HROB: variants seen among roughly 807,000 people sequenced by gnomAD.
HROB encodes the protein homologous recombination OB-fold protein.
In HROB, 44 loss-of-function variants were observed where a neutral mutation model predicts 61.0. The observed-to-expected ratio is 0.72, with a 90% CI of 0.57 to 0.93. The LOEUF (loss-of-function observed/expected upper bound fraction) is 0.93, where lower values mean the gene tolerates loss of function less well. HROB is among the 40% of genes least tolerant of loss of function. The pLI is 0.00. For synonymous variants in HROB, 301 were observed against 310.4 expected, an observed-to-expected ratio of 0.97 and a Z score of 0.32; for missense variants, 716 against 796.2, an observed-to-expected ratio of 0.90 and a Z score of 1.21.
chr17:44,157,405 CTTTTTTT>C (rs71160088), intron 8 of HROB, among the ~76,000 whole-genome samples: 16 of 81,482 alleles, frequency 2.0e-4, no homozygotes, highest in Non-Finnish European at 3.0e-4. Context: ...CATCATGTTT[CTTTTTTT>C]TTTTTTTTTT....
rs763550583 is a variant in HROB at position 44,152,680 on chromosome 17, G to A, written c.1352G>A (p.Arg451Gln). 5.6e-6 allele frequency: 9 copies of A among 1,614,038 alleles called. No homozygotes were observed. In the African/African-American group the frequency reaches 9.3e-5, roughly 17 times the overall value. The change falls in exon 5 of 10, where the codon CGA becomes CAA. Residue 451 changes from arginine to glutamine, a missense_variant. Physicochemically the swap from Arg to Gln is conservative, Grantham distance 43. Coordinates refer to ENST00000585683, the MANE Select transcript of HROB (RefSeq NM_001171251.3). ...SQASVEEDFG[R>Q]GPWLTMKSTL... ...GCATCTGTGGAGGAGGATTTTGGGC[G>A]AGGGCCCTGGCTGACCATGAAATCC...
intron 7 of HROB, 127 bp downstream of exon 7, chr17:44,155,065 G>A: frequency 7.4e-7 from 1 of 1,344,530 alleles, no homozygotes; most frequent in Non-Finnish European, 1.0e-6. Flanking sequence ...CTAGGCCCTG[G>A]CTTGAGCTCA....
chr17:44,143,974 C>G (rs1388884340), intron 1 of HROB, among the ~76,000 whole-genome samples: 1 of 151,838 alleles, frequency 6.6e-6, no homozygotes, highest in East Asian at 1.9e-4. Context: ...GTTTTTTAAT[C>G]TTTCTTTCCT....
intron 4 of HROB, among the ~76,000 whole-genome samples, chr17:44,152,373 G>GA (rs1273648768): frequency 6.6e-6 from 1 of 151,230 alleles, no homozygotes. Context: ...TCTGCTGAAT[G>GA]AAACCTGTGA....
chr17:44,160,791 CAT>C (rs767229730), intron 9 of HROB, among the ~76,000 whole-genome samples: 3 of 152,170 alleles, frequency 2.0e-5, no homozygotes, highest in Non-Finnish European at 2.9e-5. Context: ...TGTGAAAAAG[CAT>C]ATGTCTCTTA....
At chr17:44,144,382 G>T (rs764699572) in intron 1 of HROB, among the ~76,000 whole-genome samples, 1 of 151,640 alleles carries the variant, frequency 6.6e-6, no homozygotes, top group Non-Finnish European at 1.5e-5. Context: ...CTTGTGATCC[G>T]CCCCCACCTC....
intron 1 of HROB, among the ~76,000 whole-genome samples, chr17:44,144,750 T>G (rs2053563574): frequency 6.6e-6 from 1 of 151,270 alleles, no homozygotes; most frequent in Non-Finnish European, 1.5e-5. Flanking sequence ...TCTTTTTTTT[T>G]TTTTTTTTTG....
intron 7 of HROB, 147 bp downstream of exon 7, chr17:44,155,085 T>A: frequency 7.9e-7 from 1 of 1,273,134 alleles, no homozygotes; most frequent in Non-Finnish European, 1.1e-6. Context: ...AGGGAAGGCC[T>A]GTGGCCCTTG....
intron 1 of HROB, among the ~76,000 whole-genome samples, chr17:44,144,710 C>G (rs1276276591): frequency 6.6e-6 from 1 of 151,412 alleles, no homozygotes; most frequent in Non-Finnish European, 1.5e-5. Flanking sequence ...CCACTGCACA[C>G]AGCTAAGTAA....
At chr17:44,155,223 G>A in intron 7 of HROB, 63 bp from the exon 8 acceptor site, 2 of 1,598,512 alleles carry the variant, frequency 1.3e-6, no homozygotes, top group Admixed American at 1.7e-5. Flanking sequence ...TGGGAGCCAG[G>A]TGTCCATCTG....
At position 44,154,555 on chromosome 17, in the gene HROB, G is replaced by T; in HGVS notation, c.1450-1G>T. ...CAGCATATGCCTCTCCTTGTAAGCA[G>T]GCAGCCCTGAAGCAGCTTCCTAGGA... is the stretch of plus-strand genomic sequence containing the variant. On this transcript the variant is annotated splice_acceptor_variant, in intron 5 of 9. Coordinates refer to ENST00000585683, the MANE Select transcript of HROB (RefSeq NM_001171251.3). LOFTEE classifies it high-confidence loss of function. The T allele has an allele frequency of 6.2e-7, 1 of 1,614,110 alleles. No homozygotes were observed. Among genetic ancestry groups the T allele is most frequent in the Admixed American group, 1.7e-5 (1 of 60,012 alleles).
At chr17:44,143,964 GT>G (rs1490030005) in intron 1 of HROB, among the ~76,000 whole-genome samples, 1 of 151,802 alleles carries the variant, frequency 6.6e-6, no homozygotes, top group Admixed American at 6.6e-5. Context: ...TTACAAGAAA[GT>G]TTTTTAATCT....
chr17:44,143,978 C>T (rs547473661), intron 1 of HROB, among the ~76,000 whole-genome samples: 1 of 151,784 alleles, frequency 6.6e-6, no homozygotes, highest in Admixed American at 6.6e-5. Context: ...TTTAATCTTT[C>T]TTTCCTTTTT....
chr17:44,162,079 C>T lies in HROB; in HGVS notation c.*147C>T. The T allele has an allele frequency of 1.3e-6, 1 of 795,520 alleles. No individual in the cohort carries two copies. The highest frequency in any genetic ancestry group is 2.0e-6 in the Non-Finnish European group (1 of 505,538). 49.3% of individuals were successfully genotyped at this position (795,520 alleles called of 1,614,324 possible). On this transcript the variant is annotated 3_prime_UTR_variant, in exon 10 of 10. Coordinates refer to ENST00000585683, the MANE Select transcript of HROB (RefSeq NM_001171251.3). ...TGGTTGCTCCCACCCTGGGTGTTTT[C>T]CCTGAGAGCCCCCTCATCTCTGCGC...
In HROB at chr17:44,148,260, C is replaced by T; in HGVS notation, c.457C>T (p.Pro153Ser). ...GCAGCAAGTTGGTGGCTTTGAGGGGCCTGAACAAGACGAATTTGATAAAGT... is the reference window on the plus strand; with the variant it reads ...GCAGCAAGTTGGTGGCTTTGAGGGGTCTGAACAAGACGAATTTGATAAAGT... The part of the protein sequence containing the change: ...QQQQVGGFEG[P>S]EQDEFDKVLA... The change falls in exon 3 of 10, where the codon CCT becomes TCT. Residue 153 changes from proline to serine, a missense_variant. Pro to Ser is a moderately conservative substitution (Grantham distance 74, BLOSUM62 -1). Coordinates refer to ENST00000585683, the MANE Select transcript of HROB (RefSeq NM_001171251.3). The T allele has an allele frequency of 6.2e-7, 1 of 1,614,176 alleles. No individual in the cohort carries two copies. The highest frequency in any genetic ancestry group is 8.5e-7 in the Non-Finnish European group (1 of 1,180,032).
chr17:44,148,913 C>T lies in HROB; in HGVS notation c.1110C>T (p.Asn370=), dbSNP rs551307440. The T allele has an allele frequency of 6.2e-7, 1 of 1,614,180 alleles. No individual in the cohort carries two copies. Among genetic ancestry groups the T allele is most frequent in the Non-Finnish European group, 8.5e-7 (1 of 1,180,012 alleles). The change falls in exon 3 of 10, where the codon AAC becomes AAT. Residue 370 remains asparagine, a synonymous_variant. Coordinates refer to ENST00000585683, the MANE Select transcript of HROB (RefSeq NM_001171251.3). ...CTCTGCAGACACCCATAGTCACCAA[C>T]CACCTGGTGCAGCTAGTCACTGCTG... The part of the protein sequence containing the change: ...QGALQTPIVT[N]HLVQLVTAAS...
chr17:44,145,192 T>C lies in HROB; in HGVS notation c.4-11T>C. 6.2e-7 allele frequency: 1 copy of C among 1,613,892 alleles called. No individual in the cohort carries two copies. The highest frequency in any genetic ancestry group is 8.5e-7 in the Non-Finnish European group (1 of 1,179,762). The stretch of plus-strand genomic sequence containing the variant: ...TATTTCTCAACCCCAGTTGGTTTTT[T>C]TTCTTTTCAGGCGTGCAGTTTGCAG... On this transcript the variant is annotated splice_polypyrimidine_tract_variant and intron_variant, in intron 1 of 9. Transcript: ENST00000585683.
At chr17:44,149,652 G>A (rs1357079553) in intron 3 of HROB, among the ~76,000 whole-genome samples, 2 of 152,104 alleles carry the variant, frequency 1.3e-5, no homozygotes, top group Admixed American at 6.6e-5. Context: ...CCATTCTCCC[G>A]CCTTAGCCTC....
rs986022052 is a variant in HROB, at chr17:44,156,668, T to A, written c.1771-1165T>A. 9.9e-4 allele frequency among the ~76,000 whole-genome samples: 148 copies of A among 149,718 alleles called. 1 individual carries two copies. Among genetic ancestry groups the A allele is most frequent in the Non-Finnish European group, 1.9e-3 (127 of 67,040 alleles). On this transcript the variant is annotated intron_variant, in intron 8 of 9. Coordinates refer to ENST00000585683, the MANE Select transcript of HROB (RefSeq NM_001171251.3). ...AACCATTTAATTACCGGTATTTATT[T>A]ATTTTTTTTTTTTGAAATGGAGTCT...
Sources: gnomAD v4.1 joint callset for allele counts (sites outside exome capture counted in the v4.1 genomes callset) on GRCh38, gnomAD v4.1.1 for gene constraint, MANE v1.5 for transcripts, NCBI Gene and HGNC (gene_info 2026-07-23, HGNC 2026-07-21) for gene names.